The following FSTL4 variants were observed in gnomAD, a reference collection of about 807,000 sequenced individuals.
FSTL4 encodes the protein follistatin like 4.
FSTL4 carries 28 observed loss-of-function variants against 78.2 expected under a neutral mutation model. The observed-to-expected ratio is 0.36, with a 90% CI of 0.27 to 0.49. FSTL4 has a LOEUF of 0.49. FSTL4 is among the 20% of genes least tolerant of loss of function. FSTL4 has a pLI of 0.98. For missense variants in FSTL4, 922 were observed against 1,084.9 expected (o/e 0.85, Z 2.11); for synonymous variants, 422 against 440.5 (o/e 0.96, Z 0.53).
the FSTL4 span, among the ~76,000 whole-genome samples, chr5:133,810,446 G>A: frequency 6.6e-6 from 1 of 152,194 alleles, no homozygotes; most frequent in African/African-American, 2.4e-5. Context: ...CTGCGTTGTT[G>A]TCTGTGGTAA....
intron 6 of FSTL4, among the ~76,000 whole-genome samples, chr5:133,301,147 C>T (rs1260009523): frequency 6.6e-6 from 1 of 152,186 alleles, no homozygotes; most frequent in Non-Finnish European, 1.5e-5. Context: ...TCACTGAGCC[C>T]ACCCTCTGCC....
the FSTL4 span, among the ~76,000 whole-genome samples, chr5:133,713,463 G>A: frequency 6.6e-6 from 1 of 152,208 alleles, no homozygotes; most frequent in Admixed American, 6.5e-5. Flanking sequence ...ACTGTAGAAA[G>A]CAAGCACCCA....
At chr5:133,459,772 T>C (rs1757557804) in intron 3 of FSTL4, among the ~76,000 whole-genome samples, 1 of 152,020 alleles carries the variant, frequency 6.6e-6, no homozygotes, top group Non-Finnish European at 1.5e-5. Flanking sequence ...GGAAGTGAAA[T>C]GCTGTGGCGC....
At chr5:133,616,810 A>T (rs1240098985), upstream of FSTL4, among the ~76,000 whole-genome samples, 2 of 152,140 alleles carry the variant, frequency 1.3e-5, no homozygotes, top group Non-Finnish European at 2.9e-5. Context: ...GGGGTATAAG[A>T]TGGTACTGGA....
intron 3 of FSTL4, among the ~76,000 whole-genome samples, chr5:133,561,923 C>T (rs1759923405): frequency 6.6e-6 from 1 of 152,130 alleles, no homozygotes; most frequent in Admixed American, 6.5e-5. Flanking sequence ...ATATAGTTTC[C>T]CAGCAGCTGA....
At chr5:133,792,450 C>A in the FSTL4 span, among the ~76,000 whole-genome samples, 1 of 152,242 alleles carries the variant, frequency 6.6e-6, no homozygotes, top group East Asian at 1.9e-4. Context: ...TGCCCTGCAA[C>A]CTCATTCTCT....
At chr5:133,304,826 G>A (rs924770031) in intron 6 of FSTL4, among the ~76,000 whole-genome samples, 5 of 152,232 alleles carry the variant, frequency 3.3e-5, no homozygotes, top group African/African-American at 1.2e-4. Context: ...CCTCTGTGGT[G>A]TAATGGGGGA....
At chr5:133,687,579 G>T in the FSTL4 span, among the ~76,000 whole-genome samples, 1 of 152,194 alleles carries the variant, frequency 6.6e-6, no homozygotes, top group Non-Finnish European at 1.5e-5. Flanking sequence ...GCTTTGGAAA[G>T]CCTTCCATTC....
chr5:133,302,278 G>T (rs562448541), intron 6 of FSTL4, among the ~76,000 whole-genome samples: 1 of 152,200 alleles, frequency 6.6e-6, no homozygotes, highest in Non-Finnish European at 1.5e-5. Context: ...CCACGGGGAA[G>T]ATCTCCCATT....
chr5:133,211,755 G>A (rs928366499), intron 13 of FSTL4, among the ~76,000 whole-genome samples: 10 of 152,080 alleles, frequency 6.6e-5, no homozygotes, highest in Non-Finnish European at 1.5e-4. Context: ...TCTTCATTCT[G>A]ACTTCATCTT....
chr5:133,494,984 G>A (rs977071163), intron 3 of FSTL4, among the ~76,000 whole-genome samples: 1 of 152,210 alleles, frequency 6.6e-6, no homozygotes, highest in Non-Finnish European at 1.5e-5. Flanking sequence ...GTAAACAACT[G>A]TCTCCATTCT....
chr5:133,554,692 A>C (rs927482492), intron 3 of FSTL4, among the ~76,000 whole-genome samples: 7 of 152,246 alleles, frequency 4.6e-5, no homozygotes, highest in African/African-American at 1.4e-4. Context: ...AGGCACATGG[A>C]AATATCTGTC....
At chr5:133,397,065 A>G (rs1756075209) in intron 4 of FSTL4, among the ~76,000 whole-genome samples, 1 of 152,244 alleles carries the variant, frequency 6.6e-6, no homozygotes, top group African/African-American at 2.4e-5. Flanking sequence ...ATCATCTGGT[A>G]TAATACAACG....
At chr5:133,287,294 A>G (rs1457253186) in intron 6 of FSTL4, among the ~76,000 whole-genome samples, 1 of 151,760 alleles carries the variant, frequency 6.6e-6, no homozygotes, top group Non-Finnish European at 1.5e-5. Flanking sequence ...AGGCTGAGGC[A>G]GGAGAATGGC....
chr5:133,701,500 CACACA>C, the FSTL4 span, among the ~76,000 whole-genome samples: 1 of 133,838 alleles, frequency 7.5e-6, no homozygotes, highest in African/African-American at 3.0e-5. Context: ...CACACACACA[CACACA>C]CACACCCCAC....
chr5:133,354,047 G>A (rs139572509), intron 4 of FSTL4, among the ~76,000 whole-genome samples: 5 of 152,296 alleles, frequency 3.3e-5, no homozygotes, highest in Non-Finnish European at 7.4e-5. Flanking sequence ...AGCTGCATCC[G>A]GTCTTAATTC....
At chr5:133,213,610 CTA>C (rs1248189837) in intron 13 of FSTL4, among the ~76,000 whole-genome samples, 1 of 152,032 alleles carries the variant, frequency 6.6e-6, no homozygotes, top group East Asian at 1.9e-4. Flanking sequence ...GTTATAATCA[CTA>C]TTATGTTAAC....
the FSTL4 span, among the ~76,000 whole-genome samples, chr5:133,708,908 T>C: frequency 6.6e-6 from 1 of 152,142 alleles, no homozygotes; most frequent in Non-Finnish European, 1.5e-5. Context: ...AGAAAACCAA[T>C]TCCATGAGAG....
At chr5:133,770,714 T>C in the FSTL4 span, among the ~76,000 whole-genome samples, 3 of 152,218 alleles carry the variant, frequency 2.0e-5, no homozygotes, top group East Asian at 3.8e-4. Context: ...CAGAAGTTTT[T>C]AGTTTAATTA....
Sources: allele counts gnomAD v4.1 joint callset (sites outside exome capture counted in the v4.1 genomes callset), GRCh38; gene constraint gnomAD v4.1.1; transcripts MANE v1.5; gene names NCBI Gene and HGNC (gene_info 2026-07-23, HGNC 2026-07-21).